GRK3: variants seen among roughly 807,000 people sequenced by gnomAD.
GRK3 encodes the protein adrenergic, beta, receptor kinase 2.
In GRK3, 54 loss-of-function variants were observed where a neutral mutation model predicts 95.7. The observed-to-expected ratio is 0.56, with a 90% CI of 0.45 to 0.71. The LOEUF is 0.71. Among genes scored for constraint, GRK3 ranks in the 30% least tolerant of loss-of-function variants. The probability of loss-of-function intolerance (pLI) is 0.00; values close to 1 mark genes in which losing one functional copy is unlikely to be tolerated. For missense variants in GRK3, 649 were observed against 851.2 expected (o/e 0.76, Z 2.96); for synonymous variants, 281 against 290.8 (o/e 0.97, Z 0.34).
At chr22:25,707,631 G>A (rs891626701) in intron 15 of GRK3, among the ~76,000 whole-genome samples, 5 of 152,204 alleles carry the variant, frequency 3.3e-5, no homozygotes, top group South Asian at 2.1e-4. Flanking sequence ...AGGAGTCAGC[G>A]AGGGAGGACT....
At position 25,652,172 on chromosome 22, in the gene GRK3, C is replaced by T. The variant is rs111449432; in HGVS notation, c.264+7507C>T. ...TGATCTGGCCAGGCATGGTGGCTCA[C>T]GCCTGTAATCTCAGCACTTTGGGAG... On this transcript the variant is annotated intron_variant, in intron 3 of 20. Transcript: ENST00000324198. 8.1e-3 allele frequency among the ~76,000 whole-genome samples: 1,227 copies of T among 152,240 alleles called. 12 individuals carry two copies. Among genetic ancestry groups the T allele is most frequent in the African/African-American group, 0.028 (1,155 of 41,544 alleles).
At chr22:25,568,573 G>A (rs1365267572) in intron 1 of GRK3, among the ~76,000 whole-genome samples, 5 of 152,056 alleles carry the variant, frequency 3.3e-5, no homozygotes, top group Admixed American at 2.0e-4. Flanking sequence ...TTATGATACC[G>A]TTTATGACAT....
intron 9 of GRK3, among the ~76,000 whole-genome samples, chr22:25,683,168 A>G (rs532545221): frequency 6.6e-6 from 1 of 152,278 alleles, no homozygotes; most frequent in African/African-American, 2.4e-5. Context: ...TGCGGCCTGC[A>G]AGGCCTAAAA....
intron 6 of GRK3, 117 bp downstream of exon 6, chr22:25,667,917 C>T (rs1306800973): frequency 2.5e-5 from 16 of 627,538 alleles, no homozygotes; most frequent in African/African-American, 1.3e-4. Flanking sequence ...ATTCACTGAC[C>T]ATGTACGATG....
At chr22:25,715,490 C>G (rs545139300) in intron 18 of GRK3, among the ~76,000 whole-genome samples, 1 of 151,588 alleles carries the variant, frequency 6.6e-6, no homozygotes, top group South Asian at 2.1e-4. Flanking sequence ...GCCTGGGTGA[C>G]ACAGCGAGAA....
At chr22:25,579,326 TG>T (rs1338388971) in intron 1 of GRK3, among the ~76,000 whole-genome samples, 2 of 151,766 alleles carry the variant, frequency 1.3e-5, no homozygotes, top group African/African-American at 4.8e-5. Flanking sequence ...TTTTTTTTTT[TG>T]GTAGATATGG....
intron 2 of GRK3, among the ~76,000 whole-genome samples, chr22:25,618,974 T>C (rs948050703): frequency 6.6e-6 from 1 of 152,232 alleles, no homozygotes; most frequent in African/African-American, 2.4e-5. Flanking sequence ...AACTTTTCTC[T>C]CTAGCTTCCT....
intron 12 of GRK3, 91 bp from the exon 13 acceptor site, chr22:25,695,016 A>G (rs2085195834): frequency 1.2e-6 from 1 of 802,802 alleles, no homozygotes; most frequent in Admixed American, 2.1e-5. Flanking sequence ...AGTCGCTGCC[A>G]TCTAATGAAG....
chr22:25,690,803 CTTTCTTTTTTAATTAAA>C (rs1264486109), intron 12 of GRK3, among the ~76,000 whole-genome samples: 3 of 150,014 alleles, frequency 2.0e-5, no homozygotes, highest in African/African-American at 7.4e-5. Context: ...ATATTTCTTT[CTTTCTTTTTTAATTAAA>C]GAAACAAATC....
chr22:25,575,224 G>A (rs1222318086), intron 1 of GRK3, among the ~76,000 whole-genome samples: 1 of 152,108 alleles, frequency 6.6e-6, no homozygotes, highest in Non-Finnish European at 1.5e-5. Context: ...AAAAATTCAG[G>A]CTACTCTATA....
At chr22:25,685,826 A>G (rs910333421) in intron 10 of GRK3, among the ~76,000 whole-genome samples, 1 of 152,250 alleles carries the variant, frequency 6.6e-6, no homozygotes, top group East Asian at 1.9e-4. Context: ...TTTAGTAACA[A>G]GAACTGAAAT....
chr22:25,643,228 C>T (rs1253344552), intron 2 of GRK3, among the ~76,000 whole-genome samples: 7 of 152,172 alleles, frequency 4.6e-5, no homozygotes, highest in African/African-American at 1.7e-4. Flanking sequence ...ATGTTGGGGT[C>T]GTTGCAGTTT....
At chr22:25,710,604 A>G (rs2085336262) in intron 16 of GRK3, among the ~76,000 whole-genome samples, 1 of 152,234 alleles carries the variant, frequency 6.6e-6, no homozygotes, top group African/African-American at 2.4e-5. Context: ...TAGTAAAGAA[A>G]GACTGATCTG....
chr22:25,649,214 C>G (rs2084810165), intron 3 of GRK3: 13 of 1,292,876 alleles, frequency 1.0e-5, no homozygotes. Flanking sequence ...AGCCATAGTA[C>G]CAGCCAGGAG....
chr22:25,634,378 C>T (rs952578077), intron 2 of GRK3, among the ~76,000 whole-genome samples: 7 of 152,052 alleles, frequency 4.6e-5, no homozygotes, highest in African/African-American at 7.2e-5. Flanking sequence ...GTAGTTGTTT[C>T]GTGGTGCTTG....
intron 2 of GRK3, among the ~76,000 whole-genome samples, chr22:25,637,204 T>C (rs1306542274): frequency 3.3e-5 from 5 of 152,214 alleles, no homozygotes; most frequent in African/African-American, 1.2e-4. Flanking sequence ...TCTCAGACCT[T>C]TGGCCTTGGC....
chr22:25,608,110 G>A (rs1436410284), intron 2 of GRK3, among the ~76,000 whole-genome samples: 2 of 152,164 alleles, frequency 1.3e-5, no homozygotes, highest in African/African-American at 2.4e-5. Flanking sequence ...GACAATCATT[G>A]TCTAAATCAG....
At chr22:25,681,088 C>G (rs983354632) in intron 9 of GRK3, among the ~76,000 whole-genome samples, 2 of 152,044 alleles carry the variant, frequency 1.3e-5, no homozygotes, top group African/African-American at 4.8e-5. Context: ...CCAGCATAAG[C>G]GTGTCCACAG....
intron 16 of GRK3, among the ~76,000 whole-genome samples, chr22:25,710,611 T>C (rs2085336326): frequency 6.6e-6 from 1 of 152,208 alleles, no homozygotes; most frequent in Non-Finnish European, 1.5e-5. Context: ...GAAAGACTGA[T>C]CTGTCAGTCC....
Sources: allele counts gnomAD v4.1 joint callset (sites outside exome capture counted in the v4.1 genomes callset), GRCh38; gene constraint gnomAD v4.1.1; transcripts MANE v1.5; gene names NCBI Gene and HGNC (gene_info 2026-07-23, HGNC 2026-07-21).